OTUB1: variants seen among roughly 807,000 people sequenced by gnomAD.
OTUB1 encodes the protein ubiquitin thioesterase OTUB1.
Under a neutral mutation model 35.8 loss-of-function variants are expected in OTUB1, and 10 were observed. The ratio of observed to expected loss-of-function variants is 0.28; its 90% CI spans 0.17 to 0.47. The LOEUF (loss-of-function observed/expected upper bound fraction) is 0.47. Among genes scored for constraint, OTUB1 ranks in the 20% least tolerant of loss-of-function variants. OTUB1 has a pLI of 0.99. For synonymous variants in OTUB1, 158 were observed against 143.8 expected (o/e 1.10, Z -0.71); for missense variants, 264 against 351.6 (o/e 0.75, Z 1.99).
rs775034542 is a variant in OTUB1, at chr11:63,988,734, C to T, written c.201C>T (p.Ile67=). Residue 67 remains isoleucine, a synonymous_variant, in exon 3 of 7, where the codon ATC becomes ATT. Coordinates refer to ENST00000538426, the MANE Select transcript of OTUB1 (RefSeq NM_017670.3). ...LYKEYAEDDN[I]YQQKIKDLHK... The stretch of plus-strand genomic sequence containing the variant: ...AGGAGTATGCTGAAGATGACAACAT[C>T]TATCAACAGAAGATCAAGGTGGGAG... The T allele has an allele frequency of 9.9e-6, 16 of 1,611,798 alleles. 1 individual carries two copies. Among genetic ancestry groups the T allele is most frequent in the South Asian group, 3.3e-5 (3 of 91,056 alleles).
intron 3 of OTUB1, chr11:63,989,472 A>G (rs1942650621): frequency 1.3e-5 from 2 of 152,124 alleles, no homozygotes; most frequent in South Asian, 4.1e-4. Flanking sequence ...CACGCCTGTA[A>G]TCCCAGCACT....
At chr11:63,992,373 G>A (rs1394778213) in intron 3 of OTUB1, among the ~76,000 whole-genome samples, 4 of 150,816 alleles carry the variant, frequency 2.7e-5, no homozygotes, top group Middle Eastern at 3.4e-3. Context: ...GGCCCGAGGC[G>A]AGAGGGCACC....
At chr11:63,987,705 A>G (rs1942634059) in intron 1 of OTUB1, among the ~76,000 whole-genome samples, 1 of 152,240 alleles carries the variant, frequency 6.6e-6, no homozygotes. Flanking sequence ...AATGGGCACC[A>G]TTAACAATAT....
At position 63,998,014 on chromosome 11, in the gene OTUB1, C is replaced by T. The variant is rs1171619164; in HGVS notation, c.*468C>T. 7.5e-6 allele frequency: 4 copies of T among 532,488 alleles called. No individual in the cohort carries two copies. In the African/African-American group the frequency reaches 7.6e-5, roughly 10 times the overall value. The allele number at this position is 532,488 out of a possible 1,614,324, so 33.0% of individuals were successfully genotyped here. On this transcript the variant is annotated 3_prime_UTR_variant, in exon 7 of 7. Coordinates refer to ENST00000538426, the MANE Select transcript of OTUB1 (RefSeq NM_017670.3). ...TCCACGTCCCGGCTGGGCCCCAGAC[C>T]CCAGCTTCCTGCCCTCCACCGGGAG...
intron 3 of OTUB1, among the ~76,000 whole-genome samples, chr11:63,991,518 C>T (rs59002143): frequency 0.022 from 3,307 of 152,330 alleles, 108 homozygotes; most frequent in African/African-American, 0.076. Context: ...GTATGCTGTG[C>T]CTGAGCCCAC....
intron 1 of OTUB1, chr11:63,986,950 G>A (rs1183145215): frequency 5.9e-6 from 1 of 169,286 alleles, no homozygotes; most frequent in African/African-American, 2.4e-5. Flanking sequence ...GGAGCACAAA[G>A]GTCCGGGCGG....
chr11:63,996,681 G>T (rs779415754), intron 4 of OTUB1, 33 bp downstream of exon 4: 1 of 1,614,030 alleles, frequency 6.2e-7, no homozygotes, highest in East Asian at 2.2e-5. Flanking sequence ...ACCGAGGCAG[G>T]TGGGTGTCTA....
chr11:63,997,558 G>T lies in OTUB1; in HGVS notation c.*12G>T. On this transcript the variant is annotated 3_prime_UTR_variant, in exon 7 of 7. Transcript: ENST00000538426. ...TCCTCTACAAATAGGGCTGGCTCCA[G>T]CCCGCTGCTGCCCTGCTGCCCCCCT... 1 of 1,608,874 alleles carries T rather than the reference G, an allele frequency of 6.2e-7. No homozygotes were observed.
At chr11:63,990,014 CAAA>C (rs11306602) in intron 3 of OTUB1, 9 of 118,622 alleles carry the variant, frequency 7.6e-5, no homozygotes, top group Non-Finnish European at 1.1e-4. Context: ...GACTCCGTCT[CAAA>C]AAAAAAAAAA....
chr11:63,996,522 C>A lies in OTUB1; in HGVS notation c.220-8C>A. The A allele has an allele frequency of 6.2e-7, 1 of 1,613,876 alleles. No individual in the cohort carries two copies. The highest frequency in any genetic ancestry group is 1.1e-5 in the South Asian group (1 of 91,062). On this transcript the variant is annotated splice_region_variant and splice_polypyrimidine_tract_variant and intron_variant, in intron 3 of 6. Transcript: ENST00000538426. Reference sequence around the variant, plus strand: ...TGTTAACCTGTCGGGGTGGGGCTGTCTCCGCAGGACCTCCACAAAAAGTAC... The same window carrying A: ...TGTTAACCTGTCGGGGTGGGGCTGTATCCGCAGGACCTCCACAAAAAGTAC...
intron 3 of OTUB1, among the ~76,000 whole-genome samples, chr11:63,991,174 C>T (rs1305902296): frequency 6.6e-6 from 1 of 150,830 alleles, no homozygotes; most frequent in Admixed American, 6.6e-5. Flanking sequence ...CACCCTGAAG[C>T]TCTTGGATCC....
Position 63,986,657 on chromosome 11 carries a change from C to T in OTUB1, c.58+143C>T, listed in dbSNP as rs991170718. The T allele has an allele frequency of 4.5e-6, 3 of 659,490 alleles. No homozygotes were observed. In the African/African-American group the frequency reaches 5.6e-5, roughly 12 times the overall value. 40.9% of individuals were successfully genotyped at this position (659,490 alleles called of 1,614,324 possible). ...TCCCTTCCTCCACCTCCGCTGCCTC[C>T]CCTCCCCCTCACAATGGAAGGAGCC... On this transcript the variant is annotated intron_variant, in intron 1 of 6. Transcript: ENST00000538426.
Position 63,997,540 on chromosome 11 carries a change from C to CAAAT in OTUB1, c.812_815dup (p.Ter272=). On this transcript the variant is annotated frameshift_variant, in exon 7 of 7. Coordinates refer to ENST00000538426, the MANE Select transcript of OTUB1 (RefSeq NM_017670.3). LOFTEE classifies it high-confidence loss of function. ...GGCCTGGACACTACGATATCCTCTA[C>CAAAT]AAATAGGGCTGGCTCCAGCCCGCTG... 6.2e-7 allele frequency: 1 copy of CAAAT among 1,613,336 alleles called. No homozygotes were observed. The highest frequency in any genetic ancestry group is 8.5e-7 in the Non-Finnish European group (1 of 1,179,502).
chr11:63,993,468 C>T (rs538151451), intron 3 of OTUB1, among the ~76,000 whole-genome samples: 1 of 151,938 alleles, frequency 6.6e-6, no homozygotes, highest in Non-Finnish European at 1.5e-5. Flanking sequence ...TCAAAACCAG[C>T]CTGGCCAACA....
chr11:63,995,224 T>C (rs1188556360), intron 3 of OTUB1, among the ~76,000 whole-genome samples: 1 of 151,920 alleles, frequency 6.6e-6, no homozygotes, highest in Non-Finnish European at 1.5e-5. Context: ...CAAGATGGAG[T>C]TTTGCTCTGT....
At chr11:63,986,626 G>A in intron 1 of OTUB1, 112 bp downstream of exon 1, 2 of 878,770 alleles carry the variant, frequency 2.3e-6, no homozygotes, top group Non-Finnish European at 3.4e-6. Context: ...CGAGGTGCGC[G>A]AGGGGTCCCT....
chr11:63,992,047 G>A (rs1354635420), intron 3 of OTUB1, among the ~76,000 whole-genome samples: 1 of 152,076 alleles, frequency 6.6e-6, no homozygotes. Context: ...GTGAAACCTC[G>A]TCTCTACTAA....
chr11:63,994,847 G>A (rs149341457), intron 3 of OTUB1, among the ~76,000 whole-genome samples: 4 of 152,288 alleles, frequency 2.6e-5, no homozygotes, highest in African/African-American at 4.8e-5. Context: ...GAAAAGAGGT[G>A]GAGGCAGCAC....
At position 63,996,538 on chromosome 11, in the gene OTUB1, C is replaced by A; in HGVS notation, c.228C>A (p.His76Gln). The change falls in exon 4 of 7, where the codon CAC (histidine) becomes CAA (glutamine). Residue 76 changes from histidine to glutamine, a missense_variant. His to Gln is a conservative substitution (Grantham distance 24). Transcript: ENST00000538426. ...NIYQQKIKDL[H>Q]KKYSYIRKTR... ...TGGGGCTGTCTCCGCAGGACCTCCA[C>A]AAAAAGTACTCGTACATCCGCAAGA... is the stretch of plus-strand genomic sequence containing the variant. 3 of 1,614,150 alleles carry A rather than the reference C, an allele frequency of 1.9e-6. No individual in the cohort carries two copies. Among genetic ancestry groups the A allele is most frequent in the Non-Finnish European group, 2.5e-6 (3 of 1,180,004 alleles).
Sources: allele counts gnomAD v4.1 joint callset (sites outside exome capture counted in the v4.1 genomes callset), GRCh38; gene constraint gnomAD v4.1.1; transcripts MANE v1.5; gene names NCBI Gene and HGNC (gene_info 2026-07-23, HGNC 2026-07-21).